Variants in THRB observed in about 807,000 individuals in gnomAD.
THRB encodes the protein nuclear receptor subfamily 1 group A member 2.
THRB carries 12 observed loss-of-function variants against 47.8 expected under a neutral mutation model. The ratio of observed to expected loss-of-function variants is 0.25; its 90% CI spans 0.16 to 0.41. THRB has a LOEUF of 0.41. Ranked by LOEUF, THRB falls within the 10% of genes least tolerant of loss-of-function variation. The pLI, the probability that THRB is intolerant of heterozygous loss-of-function variation, is 1.00. For missense variants in THRB, 348 were observed against 589.2 expected (o/e 0.59, Z 4.24); for synonymous variants, 218 against 212.2 (o/e 1.03, Z -0.24).
intron 4 of THRB, among the ~76,000 whole-genome samples, chr3:24,227,351 T>A (rs143290488): frequency 3.3e-5 from 5 of 152,242 alleles, no homozygotes; most frequent in African/African-American, 4.8e-5. Flanking sequence ...ACAGAAACAT[T>A]GAGGCTGTAG....
chr3:24,241,342 A>G (rs904539164), intron 3 of THRB, among the ~76,000 whole-genome samples: 1 of 152,162 alleles, frequency 6.6e-6, no homozygotes, highest in African/African-American at 2.4e-5. Context: ...CACTCAGGTG[A>G]TTCCACTGAG....
intron 4 of THRB, among the ~76,000 whole-genome samples, chr3:24,226,776 G>A (rs2047698230): frequency 6.6e-6 from 1 of 152,182 alleles, no homozygotes; most frequent in Non-Finnish European, 1.5e-5. Flanking sequence ...CAAAGTATGG[G>A]CCAAAGCTGA....
At chr3:24,454,133 T>C (rs1473851601) in intron 1 of THRB, among the ~76,000 whole-genome samples, 1 of 152,186 alleles carries the variant, frequency 6.6e-6, no homozygotes, top group Non-Finnish European at 1.5e-5. Flanking sequence ...GGCAAGATAA[T>C]TTAAAAACAG....
chr3:24,445,981 A>G (rs2072035430), intron 1 of THRB, among the ~76,000 whole-genome samples: 1 of 152,248 alleles, frequency 6.6e-6, no homozygotes, highest in Non-Finnish European at 1.5e-5. Context: ...TGTCCAGACC[A>G]TAATTGTGAT....
chr3:24,319,732 A>T (rs2058356718), intron 2 of THRB, among the ~76,000 whole-genome samples: 1 of 152,074 alleles, frequency 6.6e-6, no homozygotes, highest in Admixed American at 6.5e-5. Context: ...TTTTCTTCAT[A>T]AACTCAATGG....
intron 1 of THRB, among the ~76,000 whole-genome samples, chr3:24,440,893 T>G (rs1039029813): frequency 1.3e-5 from 2 of 152,164 alleles, no homozygotes; most frequent in Non-Finnish European, 2.9e-5. Flanking sequence ...AATTAACAGC[T>G]TAAAAGACCA....
intron 2 of THRB, among the ~76,000 whole-genome samples, chr3:24,332,014 TC>T (rs1169912445): frequency 6.6e-6 from 1 of 152,154 alleles, no homozygotes; most frequent in Non-Finnish European, 1.5e-5. Context: ...TCCGCAATGT[TC>T]CCTCACAACG....
chr3:24,239,531 C>T (rs2049262206), intron 3 of THRB, among the ~76,000 whole-genome samples: 1 of 152,012 alleles, frequency 6.6e-6, no homozygotes, highest in Non-Finnish European at 1.5e-5. Context: ...CCAGGCTGGT[C>T]TCGGACTACT....
In THRB at chr3:24,196,198, C is replaced by CGTCA. The variant is rs1307000734; in HGVS notation, c.23-5865_23-5864insTGAC. Among the ~76,000 whole-genome samples, 3 of 152,130 alleles carry CGTCA rather than the reference C, an allele frequency of 2.0e-5. No homozygotes were observed. The East Asian group carries it at 5.8e-4, about 29-fold the overall frequency. ...AGGTCTTCTGACTCTAAAACCTGAC[C>CGTCA]TGACCTTCTATAGTTCAGTTAAAGT... On this transcript the variant is annotated intron_variant, in intron 4 of 10. Transcript: ENST00000646209.
intron 1 of THRB, among the ~76,000 whole-genome samples, chr3:24,439,049 A>G (rs11714673): frequency 0.51 from 77,058 of 152,012 alleles, 20,774 homozygotes; most frequent in East Asian, 0.66. Context: ...TGGGGTGTAA[A>G]TCACTCAGAG....
At chr3:24,197,421 T>C (rs2044076764) in intron 4 of THRB, among the ~76,000 whole-genome samples, 1 of 152,228 alleles carries the variant, frequency 6.6e-6, no homozygotes, top group Non-Finnish European at 1.5e-5. Context: ...TCTACCTCTT[T>C]GAATCTCTCT....
intron 3 of THRB, among the ~76,000 whole-genome samples, chr3:24,235,689 G>A (rs1470599213): frequency 6.6e-6 from 1 of 152,080 alleles, no homozygotes; most frequent in African/African-American, 2.4e-5. Flanking sequence ...TGAGTGTGAC[G>A]TTATTACATA....
chr3:24,283,215 C>A (rs1226372817), intron 3 of THRB, among the ~76,000 whole-genome samples: 1 of 152,188 alleles, frequency 6.6e-6, no homozygotes, highest in African/African-American at 2.4e-5. Context: ...TCCAGCAGCA[C>A]ATCAAAAAGC....
chr3:24,271,632 A>G (rs749954041), intron 3 of THRB, among the ~76,000 whole-genome samples: 1 of 152,146 alleles, frequency 6.6e-6, no homozygotes, highest in Non-Finnish European at 1.5e-5. Context: ...AGAAGCTCCT[A>G]TTCTTACCAG....
At chr3:24,298,176 A>C (rs2056607104) in intron 2 of THRB, among the ~76,000 whole-genome samples, 2 of 152,196 alleles carry the variant, frequency 1.3e-5, no homozygotes, top group Admixed American at 1.3e-4. Flanking sequence ...TTTGGTTTCA[A>C]CTTTTTATTA....
chr3:24,301,459 A>G (rs1315307566), intron 2 of THRB, among the ~76,000 whole-genome samples: 1 of 152,200 alleles, frequency 6.6e-6, no homozygotes, highest in Non-Finnish European at 1.5e-5. Flanking sequence ...GGCAAAGCAG[A>G]CATTAACACT....
intron 5 of THRB, among the ~76,000 whole-genome samples, chr3:24,158,069 A>G (rs970170113): frequency 2.0e-5 from 3 of 152,246 alleles, no homozygotes; most frequent in Non-Finnish European, 2.9e-5. Flanking sequence ...CTGGCAGTCT[A>G]CAACATTTGG....
chr3:24,183,156 G>T (rs992929513), intron 5 of THRB, among the ~76,000 whole-genome samples: 2 of 151,730 alleles, frequency 1.3e-5, no homozygotes, highest in Admixed American at 6.6e-5. Flanking sequence ...TTTGTTTGGC[G>T]TCCCTTCATT....
In THRB at chr3:24,304,822, A is replaced by C. The variant is rs532126671; in HGVS notation, c.-188-7451T>G. Among the ~76,000 whole-genome samples, 13 of 152,296 alleles carry C rather than the reference A, an allele frequency of 8.5e-5. 1 individual carries two copies. Among genetic ancestry groups the C allele is most frequent in the Admixed American group, 7.8e-4 (12 of 15,298 alleles). On this transcript the variant is annotated intron_variant, in intron 2 of 10. Coordinates refer to ENST00000646209, the MANE Select transcript of THRB (RefSeq NM_001354712.2). ...AATACTAGGATTGAGCAAATAGAGA[A>C]AAACATGCACACAAAAATGAAAATG...
Sources: allele counts gnomAD v4.1 joint callset (sites outside exome capture counted in the v4.1 genomes callset), GRCh38; gene constraint gnomAD v4.1.1; transcripts MANE v1.5; gene names NCBI Gene and HGNC (gene_info 2026-07-23, HGNC 2026-07-21).